The following BPTF variants were observed in gnomAD, a reference collection of about 807,000 sequenced individuals.
BPTF encodes the protein bromodomain PHD finger transcription factor.
BPTF carries 18 observed loss-of-function variants against 292.5 expected under a neutral mutation model. The observed-to-expected ratio is 0.06, with a 90% CI of 0.04 to 0.09. The LOEUF (loss-of-function observed/expected upper bound fraction) is 0.09. Among genes scored for constraint, BPTF ranks in the 10% least tolerant of loss-of-function variants. BPTF has a pLI of 1.00. For missense variants in BPTF, 2,726 were observed against 3,498.7 expected (o/e 0.78, Z 5.57); for synonymous variants, 1,225 against 1,251.9 (o/e 0.98, Z 0.45).
intron 2 of BPTF, among the ~76,000 whole-genome samples, chr17:67,855,371 C>T (rs1376703018): frequency 6.6e-6 from 1 of 152,180 alleles, no homozygotes; most frequent in East Asian, 1.9e-4. Flanking sequence ...TTATGTTCCT[C>T]TATAGCCTAG....
At chr17:67,841,275 G>A (rs1394010692) in intron 1 of BPTF, among the ~76,000 whole-genome samples, 1 of 152,096 alleles carries the variant, frequency 6.6e-6, no homozygotes, top group African/African-American at 2.4e-5. Flanking sequence ...CGGTCGTGGT[G>A]GCACATGCCT....
intron 5 of BPTF, among the ~76,000 whole-genome samples, 173 bp downstream of exon 5, chr17:67,892,207 T>C (rs2061163490): frequency 6.6e-6 from 1 of 152,242 alleles, no homozygotes; most frequent in Admixed American, 6.5e-5. Flanking sequence ...TTAGGCTTTA[T>C]AAGCATAGTT....
chr17:67,932,110 T>C, intron 18 of BPTF, 91 bp downstream of exon 18: 2 of 1,082,486 alleles, frequency 1.8e-6, no homozygotes, highest in Non-Finnish European at 2.7e-6. Flanking sequence ...ATACGAGAAA[T>C]ATAATTTTAA....
At position 67,920,076 on chromosome 17, in the gene BPTF, T is replaced by C. The variant is rs1358558925; in HGVS notation, c.5490T>C (p.Tyr1830=). The C allele has an allele frequency of 3.8e-5, 61 of 1,611,700 alleles. No homozygotes were observed. The highest frequency in any genetic ancestry group is 4.8e-5 in the Non-Finnish European group (57 of 1,178,068). ...EIIKRRDVGP[Y]GIRSEYCIRK... ...TTAAGAGGAGAGATGTTGGTCCTTA[T>C]GGCATTCGATCTGAATATTGTATCA... Residue 1830 remains tyrosine (Y), a synonymous_variant, in exon 13 of 28, where the codon TAT becomes TAC. Coordinates refer to ENST00000306378, the MANE Select transcript of BPTF (RefSeq NM_182641.4).
intron 17 of BPTF, 138 bp downstream of exon 17, chr17:67,929,625 A>G (rs192262813): frequency 1.0e-6 from 1 of 994,380 alleles, no homozygotes; most frequent in African/African-American, 1.6e-5. Context: ...GATTTGGAAA[A>G]AAATCTGTTA....
intron 7 of BPTF, among the ~76,000 whole-genome samples, chr17:67,898,942 A>T (rs924310211): frequency 2.6e-5 from 4 of 151,124 alleles, no homozygotes; most frequent in South Asian, 2.1e-4. Context: ...AAAAAAAAAA[A>T]TTTCTAAAAG....
chr17:67,875,584 C>T (rs2060002831), intron 4 of BPTF: 2 of 1,569,352 alleles, frequency 1.3e-6, no homozygotes, highest in Non-Finnish European at 1.7e-6. Context: ...ATAAAGGTAA[C>T]TCTGTGTCAG....
At chr17:67,884,068 C>T (rs2060590289) in intron 4 of BPTF, among the ~76,000 whole-genome samples, 2 of 151,630 alleles carry the variant, frequency 1.3e-5, no homozygotes, top group African/African-American at 4.8e-5. Flanking sequence ...GTTCTTGCTA[C>T]AATGCATGGT....
intron 2 of BPTF, 150 bp from the exon 3 acceptor site, chr17:67,866,314 G>A: frequency 1.6e-6 from 1 of 633,836 alleles, no homozygotes; most frequent in Non-Finnish European, 2.8e-6. Context: ...AGTAAATCAA[G>A]TTTGAGTGAG....
intron 4 of BPTF, chr17:67,875,687 G>A (rs574639917): frequency 6.8e-6 from 11 of 1,606,936 alleles, no homozygotes; most frequent in East Asian, 4.5e-5. Context: ...AGAAACCCCC[G>A]ATAGCAGCAA....
Position 67,922,996 on chromosome 17 carries a change from G to A in BPTF, c.5708+6G>A. The A allele has an allele frequency of 6.2e-7, 1 of 1,611,636 alleles. No individual in the cohort carries two copies. The highest frequency in any genetic ancestry group is 8.5e-7 in the Non-Finnish European group (1 of 1,179,304). Reference sequence around the variant, plus strand: ...ATCAGGGCATTTGCTGAGAGGTAAGGAAATGGTTAATACCTGGTCAGCTAT... The same window carrying A: ...ATCAGGGCATTTGCTGAGAGGTAAGAAAATGGTTAATACCTGGTCAGCTAT... On this transcript the variant is annotated splice_donor_region_variant and intron_variant, in intron 14 of 27. Transcript: ENST00000306378.
intron 7 of BPTF, among the ~76,000 whole-genome samples, chr17:67,897,341 CAAAAAAAAAAAAAAAA>C (rs750678904): frequency 5.6e-5 from 1 of 17,768 alleles, no homozygotes; most frequent in Non-Finnish European, 2.2e-4. Context: ...AACTCTGTCT[CAAAAAAAAAAAAAAAA>C]AAAAAAAAAA....
intron 4 of BPTF, among the ~76,000 whole-genome samples, chr17:67,881,789 C>T (rs779444907): frequency 6.0e-5 from 9 of 151,080 alleles, no homozygotes; most frequent in Non-Finnish European, 1.0e-4. Context: ...GTGTGAGCCA[C>T]CCACCTGGCC....
chr17:67,884,138 C>CTTTTT (rs200471908), intron 4 of BPTF, among the ~76,000 whole-genome samples: 7 of 134,434 alleles, frequency 5.2e-5, no homozygotes, highest in South Asian at 4.7e-4. Flanking sequence ...CATTTTCTTT[C>CTTTTT]TTTTTTTTTT....
intron 18 of BPTF, among the ~76,000 whole-genome samples, chr17:67,938,716 C>T (rs529602590): frequency 6.6e-6 from 1 of 152,278 alleles, no homozygotes; most frequent in Admixed American, 6.5e-5. Flanking sequence ...GAGAACTTTA[C>T]AAGCAATAAT....
intron 1 of BPTF, among the ~76,000 whole-genome samples, chr17:67,848,769 T>C (rs182078424): frequency 9.8e-5 from 15 of 152,292 alleles, no homozygotes; most frequent in Admixed American, 9.2e-4. Flanking sequence ...TCTCAATAAC[T>C]GCCAGGTCAT....
At chr17:67,873,700 A>G (rs1015776683) in intron 3 of BPTF, among the ~76,000 whole-genome samples, 5 of 152,178 alleles carry the variant, frequency 3.3e-5, no homozygotes, top group African/African-American at 1.2e-4. Flanking sequence ...ACAGACACAT[A>G]GGCATTCACT....
chr17:67,833,612 A>G (rs1407370919), intron 1 of BPTF, among the ~76,000 whole-genome samples: 2 of 148,804 alleles, frequency 1.3e-5, no homozygotes, highest in Non-Finnish European at 3.0e-5. Context: ...CTTGTCGCCC[A>G]GGCTGGAGTG....
At chr17:67,967,475 T>A (rs2148457258) in intron 26 of BPTF, among the ~76,000 whole-genome samples, 1 of 152,018 alleles carries the variant, frequency 6.6e-6, no homozygotes, top group East Asian at 1.9e-4. Flanking sequence ...GCAGTTTCAT[T>A]TCTTAGGATT....
Sources: allele counts gnomAD v4.1 joint callset (sites outside exome capture counted in the v4.1 genomes callset), GRCh38; gene constraint gnomAD v4.1.1; transcripts MANE v1.5; gene names NCBI Gene and HGNC (gene_info 2026-07-23, HGNC 2026-07-21).